SNX29: variants seen among roughly 807,000 people sequenced by gnomAD.
The protein encoded by SNX29 is sorting nexin 29.
A neutral mutation model predicts 102.1 loss-of-function variants in SNX29; 78 were observed. That is an observed-to-expected ratio of 0.76 (90% CI 0.64 to 0.92). The LOEUF (loss-of-function observed/expected upper bound fraction) is 0.92, where lower values mean the gene tolerates loss of function less well. Ranked by LOEUF, SNX29 falls within the 40% of genes least tolerant of loss-of-function variation. SNX29 has a pLI of 0.00. For missense variants in SNX29, 1,280 were observed against 1,061.7 expected (o/e 1.21, Z -2.86); for synonymous variants, 580 against 414.5 (o/e 1.40, Z -4.85).
chr16:12,476,008 G>T (rs1330717138), intron 18 of SNX29, among the ~76,000 whole-genome samples: 1 of 152,088 alleles, frequency 6.6e-6, no homozygotes, highest in East Asian at 1.9e-4. Context: ...ATCATAAGCA[G>T]GTATGGGCCA....
At position 12,499,822 on chromosome 16, in the gene SNX29, C is replaced by G. The variant is rs138681348; in HGVS notation, c.2178+21963C>G. Among the ~76,000 whole-genome samples the G allele has an allele frequency of 5.4e-3, 822 of 152,190 alleles. 6 individuals carry two copies. The highest frequency in any genetic ancestry group is 8.2e-3 in the Non-Finnish European group (557 of 68,012). Reference sequence around the variant, plus strand: ...TCCTGAGTACCTGGGGCCACAGTTACGCACAACCATGCCTGGCTAATTTTT... The same window carrying G: ...TCCTGAGTACCTGGGGCCACAGTTAGGCACAACCATGCCTGGCTAATTTTT... On this transcript the variant is annotated intron_variant, in intron 19 of 20. Transcript: ENST00000566228.
chr16:12,354,998 G>T (rs752884430), intron 15 of SNX29, among the ~76,000 whole-genome samples: 3 of 152,156 alleles, frequency 2.0e-5, no homozygotes, highest in Non-Finnish European at 4.4e-5. Context: ...TACCTTTGGA[G>T]GGGAACTCAC....
chr16:12,302,181 C>T (rs1409384921), intron 15 of SNX29, among the ~76,000 whole-genome samples: 11 of 152,104 alleles, frequency 7.2e-5, no homozygotes, highest in Admixed American at 2.0e-4. Flanking sequence ...GGATGGACGT[C>T]GTAACTATTC....
chr16:12,552,566 C>G (rs1363694489), intron 20 of SNX29, among the ~76,000 whole-genome samples: 3 of 152,058 alleles, frequency 2.0e-5, no homozygotes, highest in African/African-American at 7.2e-5. Flanking sequence ...ACAGGCCAGC[C>G]AAGTTGCTGC....
At chr16:12,295,891 G>A (rs763938978) in intron 15 of SNX29, among the ~76,000 whole-genome samples, 4 of 151,966 alleles carry the variant, frequency 2.6e-5, no homozygotes, top group South Asian at 4.1e-4. Flanking sequence ...CAACTTCTGC[G>A]CCCAGCGCTT....
chr16:12,566,159 C>G (rs977810683), intron 20 of SNX29, among the ~76,000 whole-genome samples: 3 of 152,202 alleles, frequency 2.0e-5, no homozygotes, highest in African/African-American at 4.8e-5. Context: ...AGAAACACAG[C>G]TAGTTGGTGG....
At chr16:12,335,329 T>G (rs1177444185) in intron 15 of SNX29, among the ~76,000 whole-genome samples, 6 of 152,066 alleles carry the variant, frequency 3.9e-5, no homozygotes, top group African/African-American at 1.4e-4. Context: ...GTATAAGAAT[T>G]CATTTCATCA....
chr16:12,261,748 G>A (rs1455881358), intron 14 of SNX29, among the ~76,000 whole-genome samples: 2 of 123,012 alleles, frequency 1.6e-5, no homozygotes, highest in South Asian at 2.9e-4. Flanking sequence ...TGCTGAGCTC[G>A]GGTCTGTGCG....
chr16:12,142,729 A>G (rs559142141), intron 13 of SNX29, among the ~76,000 whole-genome samples: 147 of 151,446 alleles, frequency 9.7e-4, no homozygotes, highest in African/African-American at 3.1e-3. Flanking sequence ...ACGCCTGGCT[A>G]ATTTTTTTGT....
intron 16 of SNX29, among the ~76,000 whole-genome samples, chr16:12,388,210 A>G (rs2083402001): frequency 6.6e-6 from 1 of 152,186 alleles, no homozygotes; most frequent in Non-Finnish European, 1.5e-5. Flanking sequence ...GTGTTATAGA[A>G]GGAGCACAAC....
intron 15 of SNX29, among the ~76,000 whole-genome samples, chr16:12,303,010 G>A (rs1288585419): frequency 1.3e-5 from 2 of 152,146 alleles, no homozygotes; most frequent in African/African-American, 4.8e-5. Flanking sequence ...CATGTGATCT[G>A]GCTATGTGAG....
chr16:12,053,821 T>C (rs2050408522), intron 8 of SNX29, among the ~76,000 whole-genome samples: 1 of 152,140 alleles, frequency 6.6e-6, no homozygotes, highest in Non-Finnish European at 1.5e-5. Context: ...TTGTAAGACG[T>C]CTAGCAGCCC....
At chr16:12,563,667 CGA>C (rs1000152125) in intron 20 of SNX29, among the ~76,000 whole-genome samples, 2 of 152,144 alleles carry the variant, frequency 1.3e-5, no homozygotes. Flanking sequence ...TTCAATTCCC[CGA>C]GAGCCCATGA....
At chr16:12,246,466 C>T (rs8061008) in intron 14 of SNX29, among the ~76,000 whole-genome samples, 1 of 152,078 alleles carries the variant, frequency 6.6e-6, no homozygotes, top group Non-Finnish European at 1.5e-5. Flanking sequence ...TGTGGTGAAA[C>T]CCCATCTCTC....
intron 14 of SNX29, among the ~76,000 whole-genome samples, chr16:12,269,444 A>G (rs537073888): frequency 6.6e-6 from 1 of 152,358 alleles, no homozygotes; most frequent in South Asian, 2.1e-4. Context: ...TTGAAGCAGT[A>G]TCATTATTTT....
chr16:12,170,785 G>A (rs893832951), intron 13 of SNX29, among the ~76,000 whole-genome samples: 4 of 151,360 alleles, frequency 2.6e-5, no homozygotes, highest in African/African-American at 9.7e-5. Flanking sequence ...GTGTGTGTGA[G>A]AGTGAGAGCA....
intron 9 of SNX29, among the ~76,000 whole-genome samples, chr16:12,063,257 T>C (rs2050855058): frequency 6.6e-6 from 1 of 151,814 alleles, no homozygotes; most frequent in African/African-American, 2.4e-5. Context: ...AGCTGGGGCG[T>C]TGGCATGGAG....
At chr16:12,382,542 G>A (rs549485550) in intron 16 of SNX29, among the ~76,000 whole-genome samples, 123 of 152,316 alleles carry the variant, frequency 8.1e-4, no homozygotes, top group East Asian at 5.8e-4. Flanking sequence ...AATGCGTAAC[G>A]CAGGGCCTGG....
chr16:12,281,050 G>A (rs547803341), intron 15 of SNX29, among the ~76,000 whole-genome samples: 1 of 152,250 alleles, frequency 6.6e-6, no homozygotes, highest in Non-Finnish European at 1.5e-5. Flanking sequence ...TGAGACTACA[G>A]GCATGTGCCA....
Sources: allele counts gnomAD v4.1 joint callset (sites outside exome capture counted in the v4.1 genomes callset), GRCh38; gene constraint gnomAD v4.1.1; transcripts MANE v1.5; gene names NCBI Gene and HGNC (gene_info 2026-07-23, HGNC 2026-07-21).